The following TENM2 variants were observed in gnomAD, a reference collection of about 807,000 sequenced individuals.
TENM2 encodes teneurin transmembrane protein 2, also known as teneurin-2.
Under a neutral mutation model 245.2 loss-of-function variants are expected in TENM2, and 52 were observed. That is an observed-to-expected ratio of 0.21 (90% confidence interval 0.17 to 0.27). The LOEUF is 0.27. Among genes scored for constraint, TENM2 ranks in the 10% least tolerant of loss-of-function variants. The probability of loss-of-function intolerance (pLI) is 1.00; values close to 1 mark genes in which losing one functional copy is unlikely to be tolerated. For missense variants in TENM2, 3,046 were observed against 3,666.8 expected (o/e 0.83, Z 4.37); for synonymous variants, 1,363 against 1,438.9 (o/e 0.95, Z 1.19).
intron 2 of TENM2, among the ~76,000 whole-genome samples, chr5:167,702,604 A>T (rs550512177): frequency 6.7e-6 from 1 of 148,636 alleles, no homozygotes; most frequent in Non-Finnish European, 1.5e-5. Flanking sequence ...ACATAGTAAA[A>T]GTTTTCCCAA....
At chr5:167,134,592 A>C in the TENM2 span, among the ~76,000 whole-genome samples, 5 of 152,214 alleles carry the variant, frequency 3.3e-5, no homozygotes, top group Admixed American at 2.6e-4. Flanking sequence ...GCAAAGTGGA[A>C]TTAGACGCTG....
intron 4 of TENM2, among the ~76,000 whole-genome samples, chr5:167,961,644 G>C (rs773755641): frequency 6.6e-6 from 1 of 152,108 alleles, no homozygotes; most frequent in Non-Finnish European, 1.5e-5. Flanking sequence ...AATGCTTTAC[G>C]TGCATTATCT....
the TENM2 span, among the ~76,000 whole-genome samples, chr5:167,037,371 C>T: frequency 1.3e-5 from 2 of 152,296 alleles, no homozygotes; most frequent in East Asian, 1.9e-4. Flanking sequence ...TTTTTCTTAA[C>T]TGATCTCAGG....
the TENM2 span, among the ~76,000 whole-genome samples, chr5:167,142,438 G>T: frequency 6.6e-6 from 1 of 151,728 alleles, no homozygotes; most frequent in Non-Finnish European, 1.5e-5. Flanking sequence ...CACTTTCCAG[G>T]TGGCAAGCTC....
At chr5:167,254,388 C>T in the TENM2 span, among the ~76,000 whole-genome samples, 1 of 152,106 alleles carries the variant, frequency 6.6e-6, no homozygotes, top group Non-Finnish European at 1.5e-5. Context: ...CCCTGCTGTG[C>T]GTCACATGGA....
At chr5:167,465,590 G>A (rs901281665) in intron 2 of TENM2, among the ~76,000 whole-genome samples, 1 of 152,222 alleles carries the variant, frequency 6.6e-6, no homozygotes, top group Non-Finnish European at 1.5e-5. Context: ...AGCGCTTTGG[G>A]AGGCCGAGGC....
At chr5:167,688,443 T>C (rs975921619) in intron 2 of TENM2, among the ~76,000 whole-genome samples, 63 of 152,296 alleles carry the variant, frequency 4.1e-4, no homozygotes, top group Non-Finnish European at 1.5e-4. Context: ...GGAGAGGTTG[T>C]TTAATTGAGA....
At chr5:168,008,991 G>A (rs1048940271) in intron 5 of TENM2, among the ~76,000 whole-genome samples, 3 of 152,158 alleles carry the variant, frequency 2.0e-5, no homozygotes, top group Admixed American at 6.5e-5. Flanking sequence ...GATTTTGTAT[G>A]GAAGTCTATA....
intron 12 of TENM2, among the ~76,000 whole-genome samples, chr5:168,156,412 A>G (rs1408920970): frequency 6.6e-6 from 1 of 151,800 alleles, no homozygotes; most frequent in Non-Finnish European, 1.5e-5. Context: ...TTTTACTTGC[A>G]TTTCCATCTG....
At chr5:167,047,016 C>T in the TENM2 span, among the ~76,000 whole-genome samples, 1 of 152,118 alleles carries the variant, frequency 6.6e-6, no homozygotes, top group Non-Finnish European at 1.5e-5. Flanking sequence ...CATCCATGTC[C>T]CTGCAAATGT....
chr5:167,727,668 A>G (rs1482492130), intron 2 of TENM2, among the ~76,000 whole-genome samples: 2 of 152,262 alleles, frequency 1.3e-5, no homozygotes, highest in Non-Finnish European at 2.9e-5. Flanking sequence ...TGCTAAGAAC[A>G]CTGCTAGATA....
At position 167,482,595 on chromosome 5, in the gene TENM2, T is replaced by C. The variant is rs200087635; in HGVS notation, c.502+107122T>C. 3.9e-5 allele frequency among the ~76,000 whole-genome samples: 6 copies of C among 152,296 alleles called. No individual in the cohort carries two copies. The East Asian group carries it at 1.2e-3, about 29-fold the overall frequency. On this transcript the variant is annotated intron_variant, in intron 2 of 28. Coordinates refer to ENST00000518659, the Ensembl canonical transcript of TENM2. ...GCCCTAATTTTTATCAACACATCCT[T>C]TTGGGTAAGTCAAGCTACTCTTAGT...
At chr5:167,098,170 G>A in the TENM2 span, among the ~76,000 whole-genome samples, 1 of 152,172 alleles carries the variant, frequency 6.6e-6, no homozygotes, top group South Asian at 2.1e-4. Context: ...TATTTTAAAA[G>A]CACTTAGCAA....
the TENM2 span, among the ~76,000 whole-genome samples, chr5:167,158,633 T>C: frequency 6.6e-6 from 1 of 152,262 alleles, no homozygotes; most frequent in East Asian, 1.9e-4. Flanking sequence ...CTTCTCCTTA[T>C]ATCTTCACAT....
intron 2 of TENM2, among the ~76,000 whole-genome samples, chr5:167,510,961 G>A (rs566869280): frequency 1.3e-3 from 192 of 152,136 alleles, no homozygotes; most frequent in Non-Finnish European, 1.8e-3. Context: ...AAAAGAAAGA[G>A]AGAGAAATGG....
rs35451881 is a variant in TENM2 at position 167,342,507 on chromosome 5, C to CTTTTTTTTTTTTTTTTTTTTT, written c.227-32680_227-32660dup. Among the ~76,000 whole-genome samples, 2 of 54,278 alleles carry CTTTTTTTTTTTTTTTTTTTTT rather than the reference C, an allele frequency of 3.7e-5. 1 individual carries two copies. Among genetic ancestry groups the CTTTTTTTTTTTTTTTTTTTTT allele is most frequent in the Non-Finnish European group, 6.4e-5 (2 of 31,024 alleles). 35.6% of individuals were successfully genotyped at this position (54,278 alleles called of 152,430 possible). On this transcript the variant is annotated intron_variant, in intron 1 of 28. Transcript: ENST00000518659. ...CAGGTTTCTCAACTGTAAAGTTATT[C>CTTTTTTTTTTTTTTTTTTTTT]TTTTTTTTTTTTTTTTTTTTTTTTT...
At chr5:167,923,396 C>A (rs938247189) in intron 3 of TENM2, among the ~76,000 whole-genome samples, 2 of 152,048 alleles carry the variant, frequency 1.3e-5, no homozygotes, top group African/African-American at 4.8e-5. Flanking sequence ...AGCACACCAC[C>A]TGGTCTACCT....
chr5:167,390,181 T>A (rs1761670469), intron 2 of TENM2, among the ~76,000 whole-genome samples: 1 of 152,192 alleles, frequency 6.6e-6, no homozygotes, highest in South Asian at 2.1e-4. Context: ...GGAGTTGATT[T>A]GGTTTATCAG....
intron 3 of TENM2, among the ~76,000 whole-genome samples, chr5:167,939,627 T>A (rs1318441729): frequency 6.6e-6 from 1 of 152,174 alleles, no homozygotes; most frequent in African/African-American, 2.4e-5. Flanking sequence ...GGAGCAACCA[T>A]AAAACAACAT....
Sources: gnomAD v4.1 joint callset for allele counts (sites outside exome capture counted in the v4.1 genomes callset) on GRCh38, gnomAD v4.1.1 for gene constraint, MANE v1.5 for transcripts, NCBI Gene and HGNC (gene_info 2026-07-23, HGNC 2026-07-21) for gene names.